Variants in CNGB1 observed in about 807,000 individuals in gnomAD.
CNGB1 encodes cyclic nucleotide gated channel subunit beta 1, also known as cyclic nucleotide-gated channel beta-1.
A neutral mutation model predicts 151.7 loss-of-function variants in CNGB1; 126 were observed. The ratio of observed to expected loss-of-function variants is 0.83; its 90% CI spans 0.72 to 0.96. The LOEUF is 0.96. Ranked by LOEUF, CNGB1 falls within the 40% of genes least tolerant of loss-of-function variation. CNGB1 has a pLI of 0.00. For synonymous variants in CNGB1, 623 were observed against 635.1 expected (o/e 0.98, Z 0.29); for missense variants, 1,698 against 1,627.0 (o/e 1.04, Z -0.75).
At chr16:57,889,045 G>A (rs370852549) in intron 31 of CNGB1, among the ~76,000 whole-genome samples, 40 of 152,320 alleles carry the variant, frequency 2.6e-4, no homozygotes, top group Non-Finnish European at 4.9e-4. Flanking sequence ...GGTGGGGTAC[G>A]TGTCTTGCTT....
intron 31 of CNGB1, among the ~76,000 whole-genome samples, chr16:57,895,551 T>TTATA (rs59948135): frequency 2.0e-4 from 29 of 147,410 alleles, no homozygotes; most frequent in Non-Finnish European, 3.7e-4. Context: ...TATGTATTTT[T>TTATA]TATATATATA....
chr16:57,930,328 T>A (rs1232445719), intron 17 of CNGB1, among the ~76,000 whole-genome samples: 1 of 151,794 alleles, frequency 6.6e-6, no homozygotes, highest in African/African-American at 2.4e-5. Flanking sequence ...TAAGACCCCA[T>A]CTCTACAAAA....
chr16:57,943,022 C>CA (rs2149378025), intron 14 of CNGB1, among the ~76,000 whole-genome samples: 1 of 151,996 alleles, frequency 6.6e-6, no homozygotes, highest in South Asian at 2.1e-4. Context: ...GCAATGAAAG[C>CA]AAAAATATAC....
rs2303778 is a variant in CNGB1, at chr16:57,940,336, G to C, written c.1122-15C>G. On this transcript the variant is annotated splice_polypyrimidine_tract_variant and intron_variant, in intron 14 of 32. Transcript: ENST00000251102. ...CCAGCAGCACCCTGTGACCCGGGGC[G>C]GGGTGGGGAGGATAAAAGGACTGGG... 6.4e-7 allele frequency: 1 copy of C among 1,565,412 alleles called. No individual in the cohort carries two copies. The highest frequency in any genetic ancestry group is 8.7e-7 in the Non-Finnish European group (1 of 1,154,826).
Position 57,884,268 on chromosome 16 carries a change from G to C in CNGB1, c.3652C>G (p.Pro1218Ala). 6.2e-7 allele frequency: 1 copy of C among 1,613,680 alleles called. No individual in the cohort carries two copies. The highest frequency in any genetic ancestry group is 2.2e-5 in the East Asian group (1 of 44,838). The change falls in exon 33 of 33, where the codon CCC becomes GCC. Residue 1218 changes from proline (P) to alanine (A), a missense_variant. Physicochemically the swap from Pro to Ala is conservative, Grantham distance 27. Coordinates refer to ENST00000251102, the MANE Select transcript of CNGB1 (RefSeq NM_001297.5). ...CAGATCCTCACCGAGTGCTCTTCGG[G>C]CTCGGCCGGCCCCTCCTCCTCTCCC... ...PEGEEEGPAE[P>A]EEHSVRICMS...
At position 57,963,060 on chromosome 16, in the gene CNGB1, TG is replaced by T; in HGVS notation, c.294del (p.Ser99AlafsTer5). On this transcript the variant is annotated frameshift_variant, in exon 5 of 33. Coordinates refer to ENST00000251102, the MANE Select transcript of CNGB1 (RefSeq NM_001297.5). LOFTEE classifies it high-confidence loss of function. ...ATGAGCCAGGTCAGTACCCTGCGGC[TG>T]GGACTGCGATGGACAGAGACACCAG... The part of the protein sequence containing the change: ...QGAEISEMNS[P>X]SRRVLTWLMK... The T allele has an allele frequency of 6.2e-7, 1 of 1,611,726 alleles. No homozygotes were observed.
chr16:57,930,898 G>A (rs1192643946), intron 17 of CNGB1, among the ~76,000 whole-genome samples: 2 of 152,132 alleles, frequency 1.3e-5, no homozygotes, highest in Non-Finnish European at 2.9e-5. Context: ...GCTGTTCAAT[G>A]AGTATAGAGC....
At chr16:57,931,597 A>G (rs1237867358) in intron 17 of CNGB1, 119 bp downstream of exon 17, 1 of 1,182,220 alleles carries the variant, frequency 8.5e-7, no homozygotes, top group African/African-American at 1.5e-5. Context: ...CACTTCTGAC[A>G]CCAACTCGCT....
At position 57,903,985 on chromosome 16, in the gene CNGB1, G is replaced by A. The variant is rs1295073111; in HGVS notation, c.2635-4C>T. 1.2e-6 allele frequency: 2 copies of A among 1,613,504 alleles called. No homozygotes were observed. The highest frequency in any genetic ancestry group is 1.1e-5 in the South Asian group (1 of 91,012). On this transcript the variant is annotated splice_polypyrimidine_tract_variant and splice_region_variant and intron_variant, in intron 26 of 32. Coordinates refer to ENST00000251102, the MANE Select transcript of CNGB1 (RefSeq NM_001297.5). ...CGGCCCCTACCACATCTCTCATCTG[G>A]GGGAAGGGTTATGGGAGGTCAAGGA...
Position 57,958,457 on chromosome 16 carries a change from C to A in CNGB1, c.790G>T (p.Glu264Ter), listed in dbSNP as rs200430392. Residue 264 changes from glutamate (E) to a stop codon, truncating the protein, a stop_gained, in exon 11 of 33, where the codon GAG becomes TAG. Transcript: ENST00000251102. LOFTEE classifies it high-confidence loss of function. ...AGCACTGGCTGCGGCAAGGCCATCT[C>A]CAGCCTGTGCAGGACCCATGCCACC... ...RLVAWVLHRL[E>*]MALPQPVLHG... 6.2e-7 allele frequency: 1 copy of A among 1,614,204 alleles called. No homozygotes were observed. The highest frequency in any genetic ancestry group is 1.3e-5 in the African/African-American group (1 of 75,074).
At chr16:57,906,299 C>T (rs945993432) in intron 25 of CNGB1, among the ~76,000 whole-genome samples, 3 of 152,216 alleles carry the variant, frequency 2.0e-5, no homozygotes, top group Non-Finnish European at 4.4e-5. Context: ...AAATGAGGTG[C>T]TAGAAGAAGC....
At chr16:57,921,059 A>C (rs1961018201) in intron 18 of CNGB1, among the ~76,000 whole-genome samples, 1 of 152,018 alleles carries the variant, frequency 6.6e-6, no homozygotes, top group African/African-American at 2.4e-5. Context: ...AGAGAGAGAG[A>C]AACTGCTTTC....
chr16:57,888,295 TG>T (rs1959992189), intron 31 of CNGB1, among the ~76,000 whole-genome samples: 1 of 152,174 alleles, frequency 6.6e-6, no homozygotes, highest in African/African-American at 2.4e-5. Flanking sequence ...TACTGTCTGT[TG>T]TACCTTAGAG....
At chr16:57,931,493 T>C (rs187013597) in intron 17 of CNGB1, among the ~76,000 whole-genome samples, 3 of 152,234 alleles carry the variant, frequency 2.0e-5, no homozygotes, top group Admixed American at 1.3e-4. Flanking sequence ...TTCTAACTTA[T>C]AGCTGAGGGC....
chr16:57,900,106 T>C (rs990701813), intron 29 of CNGB1, among the ~76,000 whole-genome samples: 2 of 151,908 alleles, frequency 1.3e-5, no homozygotes, highest in Non-Finnish European at 2.9e-5. Flanking sequence ...ATGAGGGAGG[T>C]ACTATCAACA....
At chr16:57,887,808 G>T in intron 32 of CNGB1, 47 bp downstream of exon 32, 1 of 1,584,702 alleles carries the variant, frequency 6.3e-7, no homozygotes, top group Non-Finnish European at 8.7e-7. Context: ...CCTTCTCCCT[G>T]ACACATATTG....
In CNGB1 at chr16:57,923,266, G is replaced by C. The variant is rs1174721591; in HGVS notation, c.1643+7C>G. On this transcript the variant is annotated splice_region_variant and intron_variant, in intron 18 of 32. Transcript: ENST00000251102. The stretch of plus-strand genomic sequence containing the variant: ...TTCAATTTTCTGAGACCCCAGAGGG[G>C]TCTCACTCAGTGTCCTTCGGGGTGG... 3 of 1,603,928 alleles carry C rather than the reference G, an allele frequency of 1.9e-6. No homozygotes were observed. The highest frequency in any genetic ancestry group is 2.6e-6 in the Non-Finnish European group (3 of 1,172,788).
rs756239195 is a variant in CNGB1, at chr16:57,912,929, C to T, written c.2369+1G>A. ...GCATGCACATGCAGGGGGAGTCTCA[C>T]CTGTACACGTAGGCTTTGCTGAGGA... On this transcript the variant is annotated splice_donor_variant, in intron 24 of 32. Coordinates refer to ENST00000251102, the MANE Select transcript of CNGB1 (RefSeq NM_001297.5). LOFTEE classifies it high-confidence loss of function. 2 of 1,613,810 alleles carry T rather than the reference C, an allele frequency of 1.2e-6. No homozygotes were observed. The highest frequency in any genetic ancestry group is 2.7e-5 in the African/African-American group (2 of 74,982).
At chr16:57,923,715 A>C (rs1301195343) in intron 17 of CNGB1, among the ~76,000 whole-genome samples, 2 of 152,228 alleles carry the variant, frequency 1.3e-5, no homozygotes, top group Non-Finnish European at 2.9e-5. Flanking sequence ...CCCCCTCTGT[A>C]AAATGGGATT....
Sources: gnomAD v4.1 joint callset for allele counts (sites outside exome capture counted in the v4.1 genomes callset) on GRCh38, gnomAD v4.1.1 for gene constraint, MANE v1.5 for transcripts, NCBI Gene and HGNC (gene_info 2026-07-23, HGNC 2026-07-21) for gene names.